The following MYO1D variants were observed in gnomAD, a reference collection of about 807,000 sequenced individuals.
The protein encoded by MYO1D is myosin ID.
MYO1D carries 83 observed loss-of-function variants against 122.0 expected under a neutral mutation model. That is an observed-to-expected ratio of 0.68 (90% confidence interval 0.57 to 0.82). The LOEUF (loss-of-function observed/expected upper bound fraction) is 0.82, where lower values mean the gene tolerates loss of function less well. MYO1D is among the 40% of genes least tolerant of loss of function. The pLI, the probability that MYO1D is intolerant of heterozygous loss-of-function variation, is 0.00. For missense variants in MYO1D, 1,157 were observed against 1,269.5 expected (o/e 0.91, Z 1.35); for synonymous variants, 464 against 446.9 (o/e 1.04, Z -0.48).
chr17:32,824,870 T>C (rs941588211), intron 1 of MYO1D, among the ~76,000 whole-genome samples: 1 of 152,224 alleles, frequency 6.6e-6, no homozygotes, highest in African/African-American at 2.4e-5. Context: ...AGTAGCTGGC[T>C]GTCCAAATGC....
chr17:32,562,379 C>A (rs1397708691), intron 21 of MYO1D, among the ~76,000 whole-genome samples: 2 of 48,032 alleles, frequency 4.2e-5, no homozygotes, highest in African/African-American at 3.8e-4. Context: ...ATCATTTAGA[C>A]TGTTTCCAGT....
intron 16 of MYO1D, among the ~76,000 whole-genome samples, chr17:32,683,992 T>G (rs1215383019): frequency 6.6e-6 from 1 of 152,202 alleles, no homozygotes; most frequent in Non-Finnish European, 1.5e-5. Flanking sequence ...AATATTCGGG[T>G]GGGAGTGACC....
At chr17:32,495,527 T>G (rs1909062158) in intron 21 of MYO1D, 1 of 152,504 alleles carries the variant, frequency 6.6e-6, no homozygotes, top group South Asian at 2.1e-4. Context: ...CCCGCTGGCC[T>G]GGGAGCACAT....
chr17:32,660,538 T>C (rs2088548386), intron 16 of MYO1D, among the ~76,000 whole-genome samples: 1 of 152,212 alleles, frequency 6.6e-6, no homozygotes, highest in Non-Finnish European at 1.5e-5. Flanking sequence ...TTCTCCCTTT[T>C]CAGCCTGCTG....
intron 14 of MYO1D, among the ~76,000 whole-genome samples, chr17:32,733,157 G>A (rs770742367): frequency 8.5e-5 from 13 of 152,206 alleles, no homozygotes; most frequent in Non-Finnish European, 1.8e-4. Context: ...AGGGCAAGCT[G>A]AGTGCAGCCT....
intron 15 of MYO1D, among the ~76,000 whole-genome samples, chr17:32,717,443 T>C (rs2089462394): frequency 6.6e-6 from 1 of 152,256 alleles, no homozygotes; most frequent in Non-Finnish European, 1.5e-5. Context: ...TACAGATTTC[T>C]TTGCTCAATG....
At chr17:32,573,728 T>C (rs2087251745) in intron 21 of MYO1D, among the ~76,000 whole-genome samples, 3 of 152,164 alleles carry the variant, frequency 2.0e-5, no homozygotes. Context: ...CCTTCTTATA[T>C]TCCCCAGGCT....
At chr17:32,570,757 C>T (rs1202000683) in intron 21 of MYO1D, among the ~76,000 whole-genome samples, 1 of 152,190 alleles carries the variant, frequency 6.6e-6, no homozygotes, top group Admixed American at 6.5e-5. Context: ...AACTCAGTGA[C>T]ATCCCAGTTT....
intron 1 of MYO1D, among the ~76,000 whole-genome samples, chr17:32,798,356 A>G (rs1402824625): frequency 6.6e-6 from 1 of 152,186 alleles, no homozygotes; most frequent in Non-Finnish European, 1.5e-5. Context: ...AATACTTCCT[A>G]TATTCTGCAC....
intron 1 of MYO1D, among the ~76,000 whole-genome samples, chr17:32,829,800 C>T (rs1288584115): frequency 6.6e-6 from 1 of 152,092 alleles, no homozygotes; most frequent in Non-Finnish European, 1.5e-5. Flanking sequence ...GATACAGAAA[C>T]TAGAGTACAT....
intron 20 of MYO1D, among the ~76,000 whole-genome samples, chr17:32,607,259 CCA>C (rs1297155540): frequency 2.6e-5 from 4 of 151,836 alleles, no homozygotes; most frequent in Non-Finnish European, 4.4e-5. Flanking sequence ...TGCCAAGGAT[CCA>C]CAAAATAGCT....
At chr17:32,633,883 T>A (rs1567920633) in intron 20 of MYO1D, among the ~76,000 whole-genome samples, 1 of 152,298 alleles carries the variant, frequency 6.6e-6, no homozygotes, top group East Asian at 1.9e-4. Context: ...ACACGTTCTA[T>A]CTTCTTTCCT....
chr17:32,645,308 G>A (rs1045631347), intron 19 of MYO1D, among the ~76,000 whole-genome samples: 3 of 152,264 alleles, frequency 2.0e-5, no homozygotes, highest in East Asian at 1.9e-4. Flanking sequence ...GCTTCCCTTT[G>A]TGGGTAACCC....
chr17:32,655,594 C>G (rs1335979785), intron 17 of MYO1D, among the ~76,000 whole-genome samples: 1 of 152,094 alleles, frequency 6.6e-6, no homozygotes, highest in Non-Finnish European at 1.5e-5. Context: ...GAGAACACAG[C>G]AAGTGCAAAG....
At chr17:32,823,382 A>T (rs547769997) in intron 1 of MYO1D, among the ~76,000 whole-genome samples, 28 of 152,266 alleles carry the variant, frequency 1.8e-4, no homozygotes, top group African/African-American at 4.8e-4. Context: ...TATATATATA[A>T]AATATTTTAC....
At chr17:32,600,935 T>C (rs1280144389) in intron 21 of MYO1D, among the ~76,000 whole-genome samples, 4 of 151,878 alleles carry the variant, frequency 2.6e-5, no homozygotes, top group Non-Finnish European at 5.9e-5. Flanking sequence ...CTTAATCATT[T>C]CTAGCTTTTT....
chr17:32,539,250 G>T (rs8074380), intron 21 of MYO1D, among the ~76,000 whole-genome samples: 91,716 of 149,512 alleles, frequency 0.61, 29,464 homozygotes, highest in African/African-American at 0.75. Flanking sequence ...AAGACCAGCC[G>T]AGGTGACGTA....
intron 10 of MYO1D, 122 bp from the exon 11 acceptor site, chr17:32,755,784 A>C: frequency 1.3e-6 from 1 of 755,434 alleles, no homozygotes; most frequent in Non-Finnish European, 2.1e-6. Context: ...TGTGTGAATA[A>C]CATTAAAGAG....
chr17:32,659,650 GATAA>G (rs2088531782), intron 16 of MYO1D, among the ~76,000 whole-genome samples: 1 of 152,176 alleles, frequency 6.6e-6, no homozygotes, highest in African/African-American at 2.4e-5. Context: ...AATATCTTTG[GATAA>G]ATATTTTAGG....
Sources: allele counts gnomAD v4.1 joint callset (sites outside exome capture counted in the v4.1 genomes callset), GRCh38; gene constraint gnomAD v4.1.1; transcripts MANE v1.5; gene names NCBI Gene and HGNC (gene_info 2026-07-23, HGNC 2026-07-21).